The following STK32B variants were observed in gnomAD, a reference collection of about 807,000 sequenced individuals.
STK32B encodes serine/threonine-protein kinase 32B.
STK32B carries 43 observed loss-of-function variants against 52.6 expected under a neutral mutation model. The ratio of observed to expected loss-of-function variants is 0.82; its 90% CI spans 0.64 to 1.05. The LOEUF (loss-of-function observed/expected upper bound fraction) is 1.05. STK32B is among the 50% of genes least tolerant of loss of function. STK32B has a pLI of 0.00. For synonymous variants in STK32B, 238 were observed against 204.3 expected (o/e 1.17, Z -1.41); for missense variants, 621 against 534.6 (o/e 1.16, Z -1.59).
At chr4:5,235,433 T>G (rs1724556060) in intron 3 of STK32B, among the ~76,000 whole-genome samples, 1 of 152,190 alleles carries the variant, frequency 6.6e-6, no homozygotes, top group Non-Finnish European at 1.5e-5. Context: ...GGCGTGCCAC[T>G]CCTACTGCTT....
At chr4:5,290,119 A>T (rs10012133) in intron 3 of STK32B, among the ~76,000 whole-genome samples, 17,412 of 152,054 alleles carry the variant, frequency 0.11, 1,024 homozygotes, top group South Asian at 0.17. Context: ...AGTATATGGT[A>T]TTCTGTTCCT....
chr4:5,329,984 C>T (rs1243007382), intron 3 of STK32B, among the ~76,000 whole-genome samples: 1 of 152,142 alleles, frequency 6.6e-6, no homozygotes, highest in East Asian at 1.9e-4. Context: ...GGGCTGCACA[C>T]CCAGGATACT....
intron 3 of STK32B, among the ~76,000 whole-genome samples, chr4:5,303,910 C>G (rs933822794): frequency 6.6e-6 from 1 of 152,014 alleles, no homozygotes; most frequent in Admixed American, 6.6e-5. Context: ...TTGCCATTAT[C>G]CCAGTACCAT....
intron 4 of STK32B, among the ~76,000 whole-genome samples, chr4:5,367,214 C>A (rs1401177275): frequency 6.6e-6 from 1 of 152,100 alleles, no homozygotes; most frequent in Non-Finnish European, 1.5e-5. Flanking sequence ...TGTCACCGTC[C>A]AGTGAAAGGT....
At chr4:5,409,810 T>A (rs1711516699) in intron 5 of STK32B, among the ~76,000 whole-genome samples, 1 of 152,106 alleles carries the variant, frequency 6.6e-6, no homozygotes, top group African/African-American at 2.4e-5. Flanking sequence ...GACAGATGAT[T>A]TTTTAAGGCC....
chr4:5,448,397 C>T (rs3733180), intron 7 of STK32B, among the ~76,000 whole-genome samples: 19,518 of 152,134 alleles, frequency 0.13, 1,871 homozygotes, highest in East Asian at 0.53. Flanking sequence ...TGAGGGTCCA[C>T]GATGTCGTAG....
chr4:5,438,074 G>T lies in STK32B; in HGVS notation c.563-8599G>T, dbSNP rs1295957649. ...GAATGGACTTGGGGCTGCCAGGCAT[G>T]ACAAGGTTTGATGGGGAACACCTCG... On this transcript the variant is annotated intron_variant, in intron 6 of 11. Coordinates refer to ENST00000282908, the MANE Select transcript of STK32B (RefSeq NM_018401.3). The T allele has an allele frequency of 4.1e-6, 4 of 985,600 alleles. No individual in the cohort carries two copies. The African/African-American group carries it at 7.0e-5, about 17-fold the overall frequency. The allele number at this position is 985,600 out of a possible 1,614,324, so 61.1% of individuals were successfully genotyped here. A position where few individuals can be genotyped will look rare whatever the true frequency, so the allele number is the denominator to read the frequency against.
rs370240269 is a variant in STK32B at position 5,257,190 on chromosome 4, AGT to A, written c.261-74028_261-74027del. On this transcript the variant is annotated intron_variant, in intron 3 of 11. Coordinates refer to ENST00000282908, the MANE Select transcript of STK32B (RefSeq NM_018401.3). Reference sequence around the variant, plus strand: ...GAATGAATGAGTGAGTGCACAGGTGAGTGAGTGAATGAGTGAGTGAGCAAGTG... The same window carrying A: ...GAATGAATGAGTGAGTGCACAGGTGAGAGTGAATGAGTGAGTGAGCAAGTG... 4.2e-4 allele frequency among the ~76,000 whole-genome samples: 64 copies of A among 152,294 alleles called. No individual in the cohort carries two copies. The East Asian group carries it at 0.01, about 25-fold the overall frequency.
At chr4:5,497,624 C>G (rs966522824) in intron 11 of STK32B, among the ~76,000 whole-genome samples, 1 of 152,216 alleles carries the variant, frequency 6.6e-6, no homozygotes, top group Non-Finnish European at 1.5e-5. Context: ...TTATGAAACA[C>G]AGTGTTGCTG....
intron 9 of STK32B, among the ~76,000 whole-genome samples, 197 bp from the exon 10 acceptor site, chr4:5,466,506 G>C (rs547285850): frequency 6.6e-6 from 1 of 152,176 alleles, no homozygotes; most frequent in Admixed American, 6.5e-5. Flanking sequence ...GGGGGACTAT[G>C]TGTAAATATA....
intron 2 of STK32B, among the ~76,000 whole-genome samples, chr4:5,153,261 A>C (rs1444812842): frequency 6.6e-6 from 1 of 152,126 alleles, no homozygotes; most frequent in Non-Finnish European, 1.5e-5. Context: ...CAGATTGGGG[A>C]GGTCTGGCTC....
At chr4:5,478,338 C>T (rs771737990) in intron 11 of STK32B, among the ~76,000 whole-genome samples, 1 of 152,072 alleles carries the variant, frequency 6.6e-6, no homozygotes, top group Non-Finnish European at 1.5e-5. Flanking sequence ...GGAGAGGAGA[C>T]GATGGTAAGA....
rs755161821 is a variant in STK32B, at chr4:5,331,331, ACT to A, written c.375_376del (p.Tyr126HisfsTer3). ...NVHFTEGTVK[L>X]YICELALALE... ...TGCATTTCACAGAGGGGACTGTGAA[ACT>A]CTACATCTGTGAGCTGGCACTGGCC... On this transcript the variant is annotated frameshift_variant, in exon 4 of 12. Coordinates refer to ENST00000282908, the MANE Select transcript of STK32B (RefSeq NM_018401.3). LOFTEE classifies it high-confidence loss of function. 6 of 1,613,358 alleles carry A rather than the reference ACT, an allele frequency of 3.7e-6. No homozygotes were observed. The South Asian group carries it at 5.5e-5, about 15-fold the overall frequency.
chr4:5,084,197 A>G (rs980973473), intron 1 of STK32B, among the ~76,000 whole-genome samples: 2 of 152,224 alleles, frequency 1.3e-5, no homozygotes, highest in South Asian at 2.1e-4. Context: ...AATGTCTTCA[A>G]TATTTCCACA....
chr4:5,351,990 G>A (rs1209962550), intron 4 of STK32B, among the ~76,000 whole-genome samples: 2 of 152,150 alleles, frequency 1.3e-5, no homozygotes, highest in East Asian at 3.9e-4. Context: ...TCCAGGACCA[G>A]ATGGCTTCAC....
At chr4:5,199,387 T>C (rs1482014500) in intron 3 of STK32B, among the ~76,000 whole-genome samples, 1 of 152,176 alleles carries the variant, frequency 6.6e-6, no homozygotes, top group Non-Finnish European at 1.5e-5. Context: ...TTTGTTGCTA[T>C]GTGACCATGA....
chr4:5,163,287 G>A (rs1436787943), intron 2 of STK32B, among the ~76,000 whole-genome samples: 5 of 152,180 alleles, frequency 3.3e-5, no homozygotes, highest in Non-Finnish European at 7.3e-5. Context: ...CTGTCTGCAG[G>A]GTGCTTGGAG....
At chr4:5,218,566 C>T (rs1333983960) in intron 3 of STK32B, among the ~76,000 whole-genome samples, 1 of 152,174 alleles carries the variant, frequency 6.6e-6, no homozygotes, top group African/African-American at 2.4e-5. Flanking sequence ...TACCGTCAAA[C>T]TGCGTGCTTG....
chr4:5,379,593 A>G (rs1443483649), intron 4 of STK32B, among the ~76,000 whole-genome samples: 2 of 152,168 alleles, frequency 1.3e-5, no homozygotes, highest in Non-Finnish European at 2.9e-5. Flanking sequence ...AGGTCTTTAC[A>G]GAGGTTATTA....
Sources: allele counts gnomAD v4.1 joint callset (sites outside exome capture counted in the v4.1 genomes callset), GRCh38; gene constraint gnomAD v4.1.1; transcripts MANE v1.5; gene names NCBI Gene and HGNC (gene_info 2026-07-23, HGNC 2026-07-21).